GBF1: variants seen among roughly 807,000 people sequenced by gnomAD.
GBF1 encodes Golgi-specific brefeldin A-resistance guanine nucleotide exchange factor 1.
In GBF1, 114 loss-of-function variants were observed where a neutral mutation model predicts 210.5. That is an observed-to-expected ratio of 0.54 (90% CI 0.47 to 0.63). The LOEUF (loss-of-function observed/expected upper bound fraction) is 0.63, where lower values mean the gene tolerates loss of function less well. GBF1 is among the 30% of genes least tolerant of loss of function. The pLI, the probability that GBF1 is intolerant of heterozygous loss-of-function variation, is 0.00. For missense variants in GBF1, 1,851 were observed against 2,357.7 expected (o/e 0.79, Z 4.45); for synonymous variants, 850 against 889.2 (o/e 0.96, Z 0.78).
rs11191251 is a variant in GBF1 at position 102,278,786 on chromosome 10, G to A, written c.163+18670G>A. ...TAGATTCAGGTGGTGTGTGTCTATC[G>A]TGAATCTGTAATATATACCACTACT... On this transcript the variant is annotated intron_variant, in intron 3 of 39. Transcript: ENST00000369983. 9.9e-3 allele frequency among the ~76,000 whole-genome samples: 1,500 copies of A among 152,204 alleles called. 13 individuals carry two copies. Among genetic ancestry groups the A allele is most frequent in the Non-Finnish European group, 0.017 (1,122 of 67,998 alleles).
chr10:102,379,905 T>C lies in GBF1; in HGVS notation c.4829T>C (p.Val1610Ala), dbSNP rs1473461882. ...TTGGAGAACATCAGCCCTGCAGATGTGGGTGGGATGGAGGAGACCCGGATG... is the reference window on the plus strand; with the variant it reads ...TTGGAGAACATCAGCCCTGCAGATGCGGGTGGGATGGAGGAGACCCGGATG... Reference protein sequence around the residue: ...KLLENISPADVGGMEETRMRA... With the variant: ...KLLENISPADAGGMEETRMRA... Residue 1610 changes from valine (V) to alanine (A), a missense_variant, in exon 36 of 40, where the codon GTG (valine) becomes GCG (alanine). Coordinates refer to ENST00000369983, the MANE Select transcript of GBF1 (RefSeq NM_001377137.1). The C allele has an allele frequency of 6.2e-7, 1 of 1,613,850 alleles. No individual in the cohort carries two copies.
chr10:102,277,416 G>A (rs990575429), intron 3 of GBF1, among the ~76,000 whole-genome samples: 6 of 144,536 alleles, frequency 4.2e-5, no homozygotes, highest in Non-Finnish European at 9.0e-5. Context: ...TTTTCAGACA[G>A]TCTCGCTCTG....
chr10:102,276,094 G>A lies in GBF1; in HGVS notation c.163+15978G>A, dbSNP rs996226329. The stretch of plus-strand genomic sequence containing the variant: ...TCTATTAAAAATATGAAAATTAGCC[G>A]GGCATGGGTGTGAGCGCCTGTAATC... On this transcript the variant is annotated intron_variant, in intron 3 of 39. Coordinates refer to ENST00000369983, the MANE Select transcript of GBF1 (RefSeq NM_001377137.1). Among the ~76,000 whole-genome samples the A allele has an allele frequency of 5.3e-5, 8 of 151,858 alleles. 1 individual carries two copies. In the South Asian group the frequency reaches 6.2e-4, roughly 12 times the overall value.
chr10:102,287,992 T>G (rs1033112387), intron 3 of GBF1, among the ~76,000 whole-genome samples: 3 of 152,228 alleles, frequency 2.0e-5, no homozygotes, highest in African/African-American at 7.2e-5. Flanking sequence ...TCTCCCTGTC[T>G]TCTCCCAAAC....
chr10:102,319,593 T>C (rs1345466235), intron 3 of GBF1, among the ~76,000 whole-genome samples: 1 of 152,182 alleles, frequency 6.6e-6, no homozygotes, highest in Non-Finnish European at 1.5e-5. Flanking sequence ...CATCCTCTTC[T>C]TCTATTCTGT....
chr10:102,360,334 T>G lies in GBF1; in HGVS notation c.1331T>G (p.Val444Gly), dbSNP rs773164723. Residue 444 changes from valine to glycine, a missense_variant, in exon 12 of 40, where the codon GTA becomes GGA. This residue lies in a region of GBF1 where 804 missense variants were observed against 958.6 expected (regional missense o/e 0.84). Transcript: ENST00000369983. ...LLTVALESAPVAQCQTLLGLI... is the reference protein window; with the variant it reads ...LLTVALESAPGAQCQTLLGLI... ...ACAGTGGCCCTTGAGTCAGCCCCTGTAGCCCAGTGCCAGACCCTCTTGGGC... is the reference window on the plus strand; with the variant it reads ...ACAGTGGCCCTTGAGTCAGCCCCTGGAGCCCAGTGCCAGACCCTCTTGGGC... 17 of 1,613,810 alleles carry G rather than the reference T, an allele frequency of 1.1e-5. No individual in the cohort carries two copies. Among genetic ancestry groups the G allele is most frequent in the Non-Finnish European group, 1.4e-5 (16 of 1,179,796 alleles).
intron 2 of GBF1, 131 bp downstream of exon 2, chr10:102,259,165 G>T: frequency 1.6e-6 from 1 of 612,510 alleles, no homozygotes; most frequent in Non-Finnish European, 3.0e-6. Context: ...TTGATATCTT[G>T]TTTTTTTGTA....
rs1306895248 is a variant in GBF1, at chr10:102,361,870, C to G, written c.1644C>G (p.Tyr548Ter). The G allele has an allele frequency of 6.2e-7, 1 of 1,611,712 alleles. No homozygotes were observed. Among genetic ancestry groups the G allele is most frequent in the Non-Finnish European group, 8.5e-7 (1 of 1,178,862 alleles). The change falls in exon 14 of 40, where the codon TAC (tyrosine) becomes TAG (stop). Residue 548 changes from tyrosine (Y) to a stop codon, truncating the protein, a stop_gained. Transcript: ENST00000369983. LOFTEE classifies it high-confidence loss of function. ...ACATCAACTATGATTGTGACTACTACTGTTCCAACCTCTTTGAGGAACTCA... is the reference window on the plus strand; with the variant it reads ...ACATCAACTATGATTGTGACTACTAGTGTTCCAACCTCTTTGAGGAACTCA... ...ELYINYDCDY[Y>*]CSNLFEELTK...
intron 3 of GBF1, among the ~76,000 whole-genome samples, chr10:102,323,414 A>AGG (rs2056612150): frequency 6.6e-6 from 1 of 152,116 alleles, no homozygotes; most frequent in Admixed American, 6.6e-5. Flanking sequence ...GGAACATGTG[A>AGG]GGGGTGGCAC....
the GBF1 span, chr10:102,231,177 G>T: frequency 1.5e-6 from 2 of 1,366,754 alleles, no homozygotes; most frequent in Non-Finnish European, 1.9e-6. Context: ...CCCCGACGGG[G>T]CTTCCAGCCG....
At chr10:102,316,478 T>G (rs2078945221) in intron 3 of GBF1, among the ~76,000 whole-genome samples, 1 of 152,222 alleles carries the variant, frequency 6.6e-6, no homozygotes, top group South Asian at 2.1e-4. Flanking sequence ...ATTTTAGTAG[T>G]CCTCTTCCTC....
At chr10:102,278,491 T>C (rs1215887200) in intron 3 of GBF1, among the ~76,000 whole-genome samples, 1 of 152,190 alleles carries the variant, frequency 6.6e-6, no homozygotes, top group Non-Finnish European at 1.5e-5. Flanking sequence ...GTCTGTGTTC[T>C]TTCTTTTTAA....
chr10:102,374,092 G>T (rs900439698), intron 29 of GBF1, among the ~76,000 whole-genome samples: 1 of 152,176 alleles, frequency 6.6e-6, no homozygotes, highest in Non-Finnish European at 1.5e-5. Context: ...GCTCACACCT[G>T]TAATCCCAGC....
At chr10:102,314,075 A>G (rs142252925) in intron 3 of GBF1, among the ~76,000 whole-genome samples, 187 of 152,076 alleles carry the variant, frequency 1.2e-3, no homozygotes, top group African/African-American at 4.2e-3. Context: ...AAGAAACCAT[A>G]TATGCATTTG....
chr10:102,342,852 G>A (rs2058295102), intron 3 of GBF1, among the ~76,000 whole-genome samples: 1 of 152,146 alleles, frequency 6.6e-6, no homozygotes, highest in South Asian at 2.1e-4. Flanking sequence ...TAGGGAGTAA[G>A]TACAGTGTAG....
chr10:102,277,621 C>T (rs1050474286), intron 3 of GBF1, among the ~76,000 whole-genome samples: 1 of 152,068 alleles, frequency 6.6e-6, no homozygotes, highest in Admixed American at 6.6e-5. Flanking sequence ...ACAGGTGATC[C>T]GCCCACCTCG....
Position 102,363,714 on chromosome 10 carries a change from C to T in GBF1, c.2022C>T (p.Asp674=), listed in dbSNP as rs1484660838. Residue 674 remains aspartate (D), a synonymous_variant, in exon 17 of 40, where the codon GAC becomes GAT. Transcript: ENST00000369983. This position sits in a 1 kb window ranked among gnomAD's most constrained non-coding sequence, Gnocchi z 4.2. ...DLEEAVDSGA[D]KKFARKPPRF... ...CCCTCTTCTTCCTACTCCTAGCTGA[C>T]AAAAAGTTTGCCCGGAAGCCACCCC... 6.2e-7 allele frequency: 1 copy of T among 1,608,440 alleles called. No individual in the cohort carries two copies. The highest frequency in any genetic ancestry group is 8.5e-7 in the Non-Finnish European group (1 of 1,174,994).
chr10:102,345,103 G>A (rs1241251538), intron 4 of GBF1, among the ~76,000 whole-genome samples: 5 of 151,750 alleles, frequency 3.3e-5, no homozygotes, highest in African/African-American at 1.2e-4. Context: ...CCAACATGGT[G>A]AAACCCCGTA....
chr10:102,346,140 G>A lies in GBF1; in HGVS notation c.295+1958G>A, dbSNP rs546336542. Among the ~76,000 whole-genome samples the A allele has an allele frequency of 9.2e-5, 14 of 151,686 alleles. No individual in the cohort carries two copies. The South Asian group carries it at 2.7e-3, about 29-fold the overall frequency. On this transcript the variant is annotated intron_variant, in intron 4 of 39. Coordinates refer to ENST00000369983, the MANE Select transcript of GBF1 (RefSeq NM_001377137.1). Reference sequence around the variant, plus strand: ...GGGTTTCACCATTTTGTGCCACCACGCCCGGCTAATTTTTGTATTTTTAGT... The same window carrying A: ...GGGTTTCACCATTTTGTGCCACCACACCCGGCTAATTTTTGTATTTTTAGT...
Sources: gnomAD v4.1 joint callset for allele counts (sites outside exome capture counted in the v4.1 genomes callset) on GRCh38, gnomAD v4.1.1 for gene constraint, gnomAD v4.1.1 regional missense constraint, Gnocchi (gnomAD v3.1) non-coding constraint, MANE v1.5 for transcripts, NCBI Gene and HGNC (gene_info 2026-07-23, HGNC 2026-07-21) for gene names.